Variants in DGLUCY observed in about 807,000 individuals in gnomAD.
DGLUCY encodes D-glutamate cyclase, also known as D-glutamate cyclase, mitochondrial.
A neutral mutation model predicts 58.5 loss-of-function variants in DGLUCY; 58 were observed. The ratio of observed to expected loss-of-function variants is 0.99; its 90% CI spans 0.80 to 1.23. The LOEUF is 1.23. Ranked by LOEUF, DGLUCY falls within the 50% of genes most tolerant of loss-of-function variation. The pLI is 0.00. For missense variants in DGLUCY, 779 were observed against 784.7 expected (o/e 0.99, Z 0.09); for synonymous variants, 325 against 314.1 (o/e 1.03, Z -0.37).
At chr14:91,211,227 G>T (rs948819091) in intron 12 of DGLUCY, among the ~76,000 whole-genome samples, 1 of 152,110 alleles carries the variant, frequency 6.6e-6, no homozygotes, top group African/African-American at 2.4e-5. Flanking sequence ...TGGATAAGAA[G>T]ACTCGATATT....
intron 3 of DGLUCY, among the ~76,000 whole-genome samples, chr14:91,164,628 A>C (rs2048174747): frequency 6.6e-6 from 1 of 152,190 alleles, no homozygotes; most frequent in Non-Finnish European, 1.5e-5. Flanking sequence ...ATCTAGGAGC[A>C]TTCTCTGGTT....
intron 1 of DGLUCY, among the ~76,000 whole-genome samples, chr14:91,081,468 T>C (rs947666617): frequency 8.5e-5 from 13 of 152,202 alleles, no homozygotes; most frequent in Non-Finnish European, 1.5e-4. Flanking sequence ...TTTTAGCAGG[T>C]ATATTAGTTT....
chr14:91,106,507 G>C (rs139210947), upstream of DGLUCY, among the ~76,000 whole-genome samples: 46 of 151,716 alleles, frequency 3.0e-4, no homozygotes, highest in South Asian at 6.2e-4. Context: ...AGAAGTTTGC[G>C]ACCAGCCTGG....
chr14:91,140,923 C>T (rs1185578954), intron 1 of DGLUCY, among the ~76,000 whole-genome samples: 1 of 152,116 alleles, frequency 6.6e-6, no homozygotes, highest in Non-Finnish European at 1.5e-5. Flanking sequence ...GATGTGAATC[C>T]TGTAGGATTT....
chr14:91,211,808 A>G (rs1358344697), intron 12 of DGLUCY, among the ~76,000 whole-genome samples: 1 of 151,976 alleles, frequency 6.6e-6, no homozygotes, highest in Admixed American at 6.6e-5. Context: ...AATTTGATTG[A>G]TTGATTGATT....
At chr14:91,137,111 G>A (rs1174336808) in intron 1 of DGLUCY, among the ~76,000 whole-genome samples, 1 of 151,856 alleles carries the variant, frequency 6.6e-6, no homozygotes, top group Non-Finnish European at 1.5e-5. Context: ...GGAGGCAAAG[G>A]CCCAGCAGAA....
At chr14:91,169,360 G>T (rs1294322634) in intron 4 of DGLUCY, among the ~76,000 whole-genome samples, 1 of 151,380 alleles carries the variant, frequency 6.6e-6, no homozygotes, top group Non-Finnish European at 1.5e-5. Context: ...TGGGCTACTG[G>T]TCCTACCTCT....
chr14:91,129,784 TTACA>T (rs2045930592), intron 1 of DGLUCY, among the ~76,000 whole-genome samples: 3 of 152,084 alleles, frequency 2.0e-5, no homozygotes, highest in African/African-American at 7.2e-5. Context: ...GTAGCTGGGA[TTACA>T]GACATGTGCC....
chr14:91,103,669 C>T (rs2044531672), upstream of DGLUCY, among the ~76,000 whole-genome samples: 1 of 152,156 alleles, frequency 6.6e-6, no homozygotes, highest in Non-Finnish European at 1.5e-5. Flanking sequence ...TTCTGTCTTT[C>T]TCTCTTTATA....
At chr14:91,147,393 T>C (rs1434619313) in intron 1 of DGLUCY, among the ~76,000 whole-genome samples, 1 of 152,120 alleles carries the variant, frequency 6.6e-6, no homozygotes, top group Admixed American at 6.6e-5. Context: ...TCTGATATGG[T>C]GGTTTTCAGT....
intron 1 of DGLUCY, among the ~76,000 whole-genome samples, chr14:91,092,508 A>C (rs2044328820): frequency 6.6e-6 from 1 of 152,204 alleles, no homozygotes; most frequent in Non-Finnish European, 1.5e-5. Context: ...TTGATGATAA[A>C]AGGATTTTAT....
intron 1 of DGLUCY, among the ~76,000 whole-genome samples, chr14:91,116,177 A>T (rs1014966484): frequency 2.0e-5 from 3 of 149,060 alleles, no homozygotes; most frequent in African/African-American, 7.4e-5. Context: ...TATTTGCATT[A>T]AAAAAAAAAG....
intron 1 of DGLUCY, among the ~76,000 whole-genome samples, chr14:91,065,273 G>A (rs931837847): frequency 2.0e-5 from 3 of 152,224 alleles, no homozygotes; most frequent in African/African-American, 7.2e-5. Flanking sequence ...AATCAGGATA[G>A]TGAAGTGTCT....
At chr14:91,083,540 AC>A (rs1304628923) in intron 1 of DGLUCY, among the ~76,000 whole-genome samples, 26 of 150,544 alleles carry the variant, frequency 1.7e-4, no homozygotes, top group African/African-American at 4.9e-4. Context: ...AAAAAAAAAA[AC>A]AGAGAGAACG....
chr14:91,101,817 C>T (rs950969688), intron 1 of DGLUCY, among the ~76,000 whole-genome samples: 1 of 152,196 alleles, frequency 6.6e-6, no homozygotes, highest in African/African-American at 2.4e-5. Flanking sequence ...ATTTCAGCCT[C>T]TCAAGTGGCT....
intron 1 of DGLUCY, among the ~76,000 whole-genome samples, chr14:91,061,514 A>G (rs949169241): frequency 2.0e-5 from 3 of 152,242 alleles, no homozygotes; most frequent in African/African-American, 7.2e-5. Context: ...CAGTCGTACA[A>G]AGCGTTAGAG....
chr14:91,067,100 G>T (rs1046063833), intron 1 of DGLUCY, among the ~76,000 whole-genome samples: 27 of 124,474 alleles, frequency 2.2e-4, no homozygotes, highest in Non-Finnish European at 3.6e-4. Context: ...AAAAAAAAAA[G>T]AAAGAGTTAT....
At chr14:91,106,938 A>G (rs368119180), upstream of DGLUCY, among the ~76,000 whole-genome samples, 3 of 152,280 alleles carry the variant, frequency 2.0e-5, no homozygotes, top group African/African-American at 7.2e-5. Context: ...ATCCCATACA[A>G]TTCATCCATT....
chr14:91,123,304 C>T (rs1159170941), intron 1 of DGLUCY, among the ~76,000 whole-genome samples: 1 of 152,150 alleles, frequency 6.6e-6, no homozygotes, highest in African/African-American at 2.4e-5. Flanking sequence ...CGGAGGGGCC[C>T]AGCCAAGCAT....
Sources: gnomAD v4.1 joint callset for allele counts (sites outside exome capture counted in the v4.1 genomes callset) on GRCh38, gnomAD v4.1.1 for gene constraint, MANE v1.5 for transcripts, NCBI Gene and HGNC (gene_info 2026-07-23, HGNC 2026-07-21) for gene names.